The following UNC13C variants were observed in gnomAD, a reference collection of about 807,000 sequenced individuals.
The protein encoded by UNC13C is unc-13 homolog C, also known as protein unc-13 homolog C.
Under a neutral mutation model 245.4 loss-of-function variants are expected in UNC13C, and 174 were observed. That is an observed-to-expected ratio of 0.71 (90% CI 0.63 to 0.80). The LOEUF is 0.80. Among genes scored for constraint, UNC13C ranks in the 30% least tolerant of loss-of-function variants. The probability of loss-of-function intolerance (pLI) is 0.00; values close to 1 mark genes in which losing one functional copy is unlikely to be tolerated. For synonymous variants in UNC13C, 992 were observed against 895.1 expected, an observed-to-expected ratio of 1.11 and a Z score of -1.93; for missense variants, 2,829 against 2,602.9, an observed-to-expected ratio of 1.09 and a Z score of -1.89.
rs1413175960 is a variant in UNC13C, at chr15:54,438,510, T to C, written c.4933+23443T>C. On this transcript the variant is annotated intron_variant, in intron 19 of 32. Coordinates refer to ENST00000260323, the MANE Select transcript of UNC13C (RefSeq NM_001080534.3). ...CTCTAGTCAACATAAGGAGTCCTCTTTCTTAGTTCCTGGTTACATATAACT... is the reference window on the plus strand; with the variant it reads ...CTCTAGTCAACATAAGGAGTCCTCTCTCTTAGTTCCTGGTTACATATAACT... Among the ~76,000 whole-genome samples the C allele has an allele frequency of 2.6e-5, 4 of 152,120 alleles. No individual in the cohort carries two copies. In the East Asian group the frequency reaches 7.8e-4, roughly 30 times the overall value.
chr15:54,163,930 A>G (rs1412510322), intron 4 of UNC13C, among the ~76,000 whole-genome samples: 3 of 152,240 alleles, frequency 2.0e-5, no homozygotes, highest in Non-Finnish European at 4.4e-5. Context: ...TTATGGGATG[A>G]ATAAGACTAG....
chr15:54,276,074 T>C (rs888099586), intron 10 of UNC13C, among the ~76,000 whole-genome samples: 3 of 151,972 alleles, frequency 2.0e-5, no homozygotes, highest in African/African-American at 7.2e-5. Context: ...AAATGCAAAA[T>C]GCAGACTAAT....
chr15:54,281,644 C>T (rs56283511), intron 10 of UNC13C, among the ~76,000 whole-genome samples: 3,741 of 152,228 alleles, frequency 0.025, 82 homozygotes, highest in East Asian at 0.074. Flanking sequence ...GCATTCATTC[C>T]AGAGATACTT....
chr15:54,315,678 T>C (rs2037989837), intron 13 of UNC13C, among the ~76,000 whole-genome samples: 1 of 151,614 alleles, frequency 6.6e-6, no homozygotes, highest in Non-Finnish European at 1.5e-5. Flanking sequence ...CCAGTAACAT[T>C]CCTACATGGA....
intron 19 of UNC13C, among the ~76,000 whole-genome samples, chr15:54,475,178 AG>A (rs1892659414): frequency 6.6e-6 from 1 of 151,880 alleles, no homozygotes; most frequent in Non-Finnish European, 1.5e-5. Context: ...TGCCTAGACC[AG>A]TGTTCTGAAG....
chr15:54,121,298 A>G (rs1430403198), intron 2 of UNC13C, among the ~76,000 whole-genome samples: 1 of 152,176 alleles, frequency 6.6e-6, no homozygotes, highest in Non-Finnish European at 1.5e-5. Context: ...CAGCAAAAAG[A>G]TTACAATTTG....
chr15:54,597,325 C>T lies in UNC13C; in HGVS notation c.6107-25002C>T, dbSNP rs142978252. Among the ~76,000 whole-genome samples, 848 of 152,248 alleles carry T rather than the reference C, an allele frequency of 5.6e-3. 9 individuals carry two copies. The highest frequency in any genetic ancestry group is 0.019 in the African/African-American group (809 of 41,556). On this transcript the variant is annotated intron_variant, in intron 30 of 32. Coordinates refer to ENST00000260323, the MANE Select transcript of UNC13C (RefSeq NM_001080534.3). ...AGGTAAGAGCCAAGGGCAATAGCAG[C>T]GTGCCAGCGAAGAATCCTACCAGGT...
chr15:54,525,451 GT>G (rs1895408904), intron 24 of UNC13C, 97 bp from the exon 25 acceptor site: 1 of 632,004 alleles, frequency 1.6e-6, no homozygotes, highest in South Asian at 2.8e-5. Flanking sequence ...CTTACATGTT[GT>G]TTGAAGTTAC....
chr15:54,042,927 C>T (rs1050639940), intron 2 of UNC13C, among the ~76,000 whole-genome samples: 12 of 151,994 alleles, frequency 7.9e-5, no homozygotes, highest in Non-Finnish European at 1.3e-4. Context: ...ATCAATGTTA[C>T]GAAAGTACGA....
intron 25 of UNC13C, among the ~76,000 whole-genome samples, chr15:54,530,211 T>G (rs752607527): frequency 2.0e-5 from 3 of 152,218 alleles, no homozygotes; most frequent in Non-Finnish European, 4.4e-5. Context: ...AACTTTGTTT[T>G]GATATACATA....
chr15:54,017,214 G>T (rs568413285), intron 2 of UNC13C, among the ~76,000 whole-genome samples: 34 of 151,978 alleles, frequency 2.2e-4, no homozygotes, highest in African/African-American at 8.0e-4. Flanking sequence ...GCAACATTTT[G>T]TGTTTTTGTT....
chr15:54,337,272 C>T (rs1224042636), intron 16 of UNC13C, among the ~76,000 whole-genome samples: 1 of 152,180 alleles, frequency 6.6e-6, no homozygotes, highest in East Asian at 1.9e-4. Context: ...ACTATCCATA[C>T]TCAACCAGCG....
At chr15:53,860,590 TA>T in the UNC13C span, among the ~76,000 whole-genome samples, 4 of 152,176 alleles carry the variant, frequency 2.6e-5, no homozygotes, top group African/African-American at 4.8e-5. Context: ...TGACCTGAAA[TA>T]GCCCTATTTG....
At chr15:54,043,887 T>C (rs1896916539) in intron 2 of UNC13C, among the ~76,000 whole-genome samples, 1 of 152,202 alleles carries the variant, frequency 6.6e-6, no homozygotes, top group African/African-American at 2.4e-5. Context: ...TAGGCTTTAA[T>C]TTCAGAATAA....
chr15:54,003,350 A>G (rs887476969), intron 1 of UNC13C, among the ~76,000 whole-genome samples: 1 of 152,194 alleles, frequency 6.6e-6, no homozygotes, highest in Non-Finnish European at 1.5e-5. Flanking sequence ...TGTGATTAGG[A>G]AAATGTTGCA....
chr15:54,037,983 G>A (rs1238743968), intron 2 of UNC13C, among the ~76,000 whole-genome samples: 1 of 149,422 alleles, frequency 6.7e-6, no homozygotes, highest in East Asian at 2.0e-4. Flanking sequence ...AGTACATTCT[G>A]TTTACATATA....
At chr15:54,419,344 T>A (rs1489333618) in intron 19 of UNC13C, among the ~76,000 whole-genome samples, 1 of 152,172 alleles carries the variant, frequency 6.6e-6, no homozygotes, top group Admixed American at 6.6e-5. Context: ...AGGCTATGAA[T>A]GTGGTCCCAC....
intron 17 of UNC13C, among the ~76,000 whole-genome samples, chr15:54,357,984 T>A (rs2039135750): frequency 6.6e-6 from 1 of 152,104 alleles, no homozygotes; most frequent in South Asian, 2.1e-4. Context: ...CACAAAGATA[T>A]CTATTAACTC....
chr15:54,449,297 A>G (rs1230613869), intron 19 of UNC13C, among the ~76,000 whole-genome samples: 1 of 152,054 alleles, frequency 6.6e-6, no homozygotes, highest in East Asian at 1.9e-4. Context: ...CCTTCTCTGT[A>G]CTTCCTGAAT....
Sources: allele counts gnomAD v4.1 joint callset (sites outside exome capture counted in the v4.1 genomes callset), GRCh38; gene constraint gnomAD v4.1.1; transcripts MANE v1.5; gene names NCBI Gene and HGNC (gene_info 2026-07-23, HGNC 2026-07-21).